Variants in SUSD4 observed in about 807,000 individuals in gnomAD.
SUSD4 encodes the protein sushi domain containing 4.
A neutral mutation model predicts 50.5 loss-of-function variants in SUSD4; 41 were observed. The observed-to-expected ratio is 0.81, with a 90% confidence interval of 0.63 to 1.05. The LOEUF (loss-of-function observed/expected upper bound fraction) is 1.05, where lower values mean the gene tolerates loss of function less well. SUSD4 is among the 50% of genes least tolerant of loss of function. The probability of loss-of-function intolerance (pLI) is 0.00; values close to 1 mark genes in which losing one functional copy is unlikely to be tolerated. For synonymous variants in SUSD4, 257 were observed against 257.3 expected (o/e 1.00, Z 0.01); for missense variants, 580 against 634.7 (o/e 0.91, Z 0.93).
chr1:223,260,510 C>T (rs753129802), intron 5 of SUSD4, among the ~76,000 whole-genome samples: 1 of 152,110 alleles, frequency 6.6e-6, no homozygotes, highest in Non-Finnish European at 1.5e-5. Context: ...AGGAAGAGAA[C>T]CCGAGAGTGG....
In SUSD4 at chr1:223,229,351, G is replaced by A. The variant is rs572108456; in HGVS notation, c.762C>T (p.Phe254=). 2.7e-5 allele frequency: 43 copies of A among 1,605,360 alleles called. No homozygotes were observed. The East Asian group carries it at 4.3e-4, about 16-fold the overall frequency. Residue 254 remains phenylalanine (F), a synonymous_variant, in exon 6 of 9, where the codon TTC becomes TTT. Transcript: ENST00000366878. The surrounding 1 kb of genome is among the most constrained non-coding windows in gnomAD (Gnocchi z 4.7). ...PLPPMVSHGD[F]VCHPRPCERY... ...GCTCACAAGGCCGCGGGTGGCAGAC[G>A]AAATCTCCGTGACTCACCATTGGAG...
At position 223,263,402 on chromosome 1, in the gene SUSD4, T is replaced by C. The variant is rs117451529; in HGVS notation, c.724+1228A>G. On this transcript the variant is annotated intron_variant, in intron 5 of 8. Coordinates refer to ENST00000366878, the MANE Select transcript of SUSD4 (RefSeq NM_017982.4). The stretch of plus-strand genomic sequence containing the variant: ...AATTTTTTATACTAAGTATGTCCCA[T>C]ATATCGACATGCTCATATTAAAACA... Among the ~76,000 whole-genome samples, 928 of 152,380 alleles carry C rather than the reference T, an allele frequency of 6.1e-3. 28 individuals are homozygous for C. The highest frequency in any genetic ancestry group is 0.053 in the Admixed American group (817 of 15,308).
upstream of SUSD4, among the ~76,000 whole-genome samples, chr1:223,364,809 A>G (rs1420517058): frequency 6.6e-6 from 1 of 151,948 alleles, no homozygotes; most frequent in Non-Finnish European, 1.5e-5. The surrounding 1 kb of genome is among the most constrained non-coding windows in gnomAD (Gnocchi z 4.5). Flanking sequence ...AGCACCGCCA[A>G]TTGCCCGAGT....
chr1:223,309,458 T>C (rs1209018919), intron 2 of SUSD4, among the ~76,000 whole-genome samples: 2 of 152,152 alleles, frequency 1.3e-5, no homozygotes, highest in Non-Finnish European at 2.9e-5. Flanking sequence ...AGGACCTCTC[T>C]AGGTTCTACT....
At chr1:223,246,602 A>G (rs939579337) in intron 5 of SUSD4, among the ~76,000 whole-genome samples, 1 of 152,040 alleles carries the variant, frequency 6.6e-6, no homozygotes, top group African/African-American at 2.4e-5. Context: ...CATGAGTGGA[A>G]GGAGGGGCTG....
At position 223,223,248 on chromosome 1, in the gene SUSD4, C is replaced by A; in HGVS notation, c.1444+1G>T. ...GCTTGGGCCCTGGGGCAAGCACTTA[C>A]CATCTGCAATGTCGATGCCTGGGCT... On this transcript the variant is annotated splice_donor_variant, in intron 8 of 8. Coordinates refer to ENST00000366878, the MANE Select transcript of SUSD4 (RefSeq NM_017982.4). LOFTEE classifies it high-confidence loss of function. 6.5e-7 allele frequency: 1 copy of A among 1,530,292 alleles called. No individual in the cohort carries two copies. Among genetic ancestry groups the A allele is most frequent in the Non-Finnish European group, 8.7e-7 (1 of 1,144,668 alleles). 94.8% of individuals were successfully genotyped at this position (1,530,292 alleles called of 1,614,324 possible).
At chr1:223,265,170 G>A (rs996276729) in intron 4 of SUSD4, among the ~76,000 whole-genome samples, 1 of 152,164 alleles carries the variant, frequency 6.6e-6, no homozygotes, top group African/African-American at 2.4e-5. Context: ...ACCAGTACCT[G>A]GGCCCCATGC....
At chr1:223,308,729 T>G (rs1321085219) in intron 2 of SUSD4, among the ~76,000 whole-genome samples, 2 of 152,048 alleles carry the variant, frequency 1.3e-5, no homozygotes, top group Non-Finnish European at 2.9e-5. Context: ...CAGCTCTGAG[T>G]GACAAGAGGG....
intron 2 of SUSD4, among the ~76,000 whole-genome samples, chr1:223,326,589 A>G (rs891050720): frequency 4.6e-5 from 7 of 152,136 alleles, no homozygotes; most frequent in Admixed American, 6.6e-5. Flanking sequence ...ATATTTGCAA[A>G]CTACGCATCT....
At chr1:223,346,345 T>C (rs1046975223) in intron 2 of SUSD4, among the ~76,000 whole-genome samples, 1 of 152,190 alleles carries the variant, frequency 6.6e-6, no homozygotes, top group African/African-American at 2.4e-5. Context: ...TTTCAAAGAT[T>C]AGGAAATTCA....
At chr1:223,243,624 T>G (rs1456107337) in intron 5 of SUSD4, among the ~76,000 whole-genome samples, 1 of 152,252 alleles carries the variant, frequency 6.6e-6, no homozygotes, top group African/African-American at 2.4e-5. Context: ...TGGAGCATTT[T>G]CATTTGCTTA....
chr1:223,247,159 C>T (rs1660992439), intron 5 of SUSD4, among the ~76,000 whole-genome samples: 1 of 152,208 alleles, frequency 6.6e-6, no homozygotes, highest in South Asian at 2.1e-4. Context: ...ACATCTACCC[C>T]ACACAGCTCG....
intron 3 of SUSD4, chr1:223,289,323 A>G: frequency 1.0e-6 from 1 of 984,296 alleles, no homozygotes; most frequent in Non-Finnish European, 1.2e-6. Flanking sequence ...TTTGGGGGCC[A>G]TAAAGTGAAT....
At chr1:223,287,356 C>T (rs1010300156) in intron 3 of SUSD4, among the ~76,000 whole-genome samples, 4 of 152,152 alleles carry the variant, frequency 2.6e-5, no homozygotes, top group African/African-American at 4.8e-5. Flanking sequence ...GGATTACAGG[C>T]GTGAGCCACC....
At chr1:223,310,728 G>GA (rs1326501422) in intron 2 of SUSD4, among the ~76,000 whole-genome samples, 2 of 151,974 alleles carry the variant, frequency 1.3e-5, no homozygotes, top group African/African-American at 4.8e-5. Context: ...TCATAATCAA[G>GA]AAAAAAATGC....
At chr1:223,361,559 T>C (rs1668980783) in intron 2 of SUSD4, among the ~76,000 whole-genome samples, 1 of 152,118 alleles carries the variant, frequency 6.6e-6, no homozygotes, top group Admixed American at 6.5e-5. Flanking sequence ...GAGGTGGCCA[T>C]GATGTACACT....
At chr1:223,322,994 A>G (rs1666668140) in intron 2 of SUSD4, among the ~76,000 whole-genome samples, 1 of 152,174 alleles carries the variant, frequency 6.6e-6, no homozygotes, top group African/African-American at 2.4e-5. Context: ...TGATGGAGAA[A>G]GGGTAGCACC....
intron 2 of SUSD4, among the ~76,000 whole-genome samples, chr1:223,333,068 C>T (rs1343715388): frequency 6.6e-6 from 1 of 152,126 alleles, no homozygotes; most frequent in Non-Finnish European, 1.5e-5. Flanking sequence ...TAGGCTTCTC[C>T]ATCCACAGCC....
At chr1:223,285,818 C>A (rs756240248) in intron 3 of SUSD4, among the ~76,000 whole-genome samples, 1 of 152,230 alleles carries the variant, frequency 6.6e-6, no homozygotes, top group South Asian at 2.1e-4. Flanking sequence ...AAGTGGGGAA[C>A]CACACACACC....
Sources: gnomAD v4.1 joint callset for allele counts (sites outside exome capture counted in the v4.1 genomes callset) on GRCh38, gnomAD v4.1.1 for gene constraint, Gnocchi (gnomAD v3.1) non-coding constraint, MANE v1.5 for transcripts, NCBI Gene and HGNC (gene_info 2026-07-23, HGNC 2026-07-21) for gene names.